The following BBS9 variants were observed in gnomAD, a reference collection of about 807,000 sequenced individuals.
The protein encoded by BBS9 is Bardet-Biedl syndrome 9.
In BBS9, 89 loss-of-function variants were observed where a neutral mutation model predicts 117.7. The observed-to-expected ratio is 0.76, with a 90% CI of 0.64 to 0.90. BBS9 has a LOEUF of 0.90. Among genes scored for constraint, BBS9 ranks in the 40% least tolerant of loss-of-function variants. The pLI is 0.00. For synonymous variants in BBS9, 379 were observed against 370.9 expected, an observed-to-expected ratio of 1.02 and a Z score of -0.25; for missense variants, 982 against 1,042.2, an observed-to-expected ratio of 0.94 and a Z score of 0.80.
intron 5 of BBS9, among the ~76,000 whole-genome samples, chr7:33,215,442 G>A (rs1788869791): frequency 6.6e-6 from 1 of 152,152 alleles, no homozygotes; most frequent in South Asian, 2.1e-4. Context: ...GTAACAATAT[G>A]CAGAAGAATG....
At chr7:33,486,750 T>A (rs766364727) in intron 19 of BBS9, among the ~76,000 whole-genome samples, 26 of 152,160 alleles carry the variant, frequency 1.7e-4, no homozygotes, top group Non-Finnish European at 3.8e-4. Context: ...TCCAGTAACT[T>A]CTCTCTGTAG....
At chr7:33,183,814 G>GTT (rs150750177) in intron 5 of BBS9, among the ~76,000 whole-genome samples, 1 of 151,386 alleles carries the variant, frequency 6.6e-6, no homozygotes, top group African/African-American at 2.4e-5. Flanking sequence ...ACCTCATTCA[G>GTT]TTTTTTTTTG....
In BBS9 at chr7:33,156,466, C is replaced by G. The variant is rs77890146; in HGVS notation, c.328+764C>G. Reference sequence around the variant, plus strand: ...CTTTGGAGCTTGCTGTAAATGTTACCTTCTAGGATTTGGATTTCTCAGACT... The same window carrying G: ...CTTTGGAGCTTGCTGTAAATGTTACGTTCTAGGATTTGGATTTCTCAGACT... On this transcript the variant is annotated intron_variant, in intron 4 of 22. Coordinates refer to ENST00000242067, the MANE Select transcript of BBS9 (RefSeq NM_198428.3). 1.2e-3 allele frequency among the ~76,000 whole-genome samples: 184 copies of G among 152,112 alleles called. 1 individual carries two copies. The East Asian group carries it at 0.033, about 27-fold the overall frequency.
intron 9 of BBS9, among the ~76,000 whole-genome samples, chr7:33,283,044 C>G (rs965049952): frequency 6.6e-6 from 1 of 152,076 alleles, no homozygotes; most frequent in African/African-American, 2.4e-5. Context: ...TGCTTTCATC[C>G]TGTTGATATA....
rs151076221 is a variant in BBS9, at chr7:33,226,000, C to T, written c.443-31236C>T. ...GCTGGAAGATGTTTTTAGATAAGCA[C>T]CTTCAGTGGTTTTGTCTTCCAACAT... On this transcript the variant is annotated intron_variant, in intron 5 of 22. Coordinates refer to ENST00000242067, the MANE Select transcript of BBS9 (RefSeq NM_198428.3). Among the ~76,000 whole-genome samples, 1,189 of 152,222 alleles carry T rather than the reference C, an allele frequency of 7.8e-3. 19 individuals are homozygous for T. The highest frequency in any genetic ancestry group is 0.027 in the African/African-American group (1,135 of 41,526).
chr7:33,166,283 A>C (rs182842079), intron 4 of BBS9, among the ~76,000 whole-genome samples: 301 of 152,308 alleles, frequency 2.0e-3, no homozygotes, highest in Non-Finnish European at 3.7e-3. Flanking sequence ...CCCTACTGGG[A>C]GGTATCTCCC....
intron 21 of BBS9, among the ~76,000 whole-genome samples, chr7:33,613,086 G>A (rs1864959497): frequency 6.6e-6 from 1 of 152,046 alleles, no homozygotes; most frequent in Admixed American, 6.6e-5. Context: ...GGGGAACAGA[G>A]AAGAAAATGG....
intron 4 of BBS9, among the ~76,000 whole-genome samples, chr7:33,175,620 A>G (rs942998194): frequency 5.9e-5 from 9 of 152,050 alleles, no homozygotes; most frequent in African/African-American, 2.2e-4. Context: ...ACAGCTTAGC[A>G]TTTACCTTAC....
intron 21 of BBS9, among the ~76,000 whole-genome samples, chr7:33,603,537 TTTC>T (rs1864121728): frequency 6.6e-6 from 1 of 152,102 alleles, no homozygotes. Context: ...ATAATACCTA[TTTC>T]ATGGTGTAGT....
rs566847290 is a variant in BBS9, at chr7:33,304,152, G to A, written c.1016+30196G>A. ...TGGGAAGTGAGGAGCACCTCTGCCC[G>A]GCCGCCACCCCGTCTAGGAAGTGAG... On this transcript the variant is annotated intron_variant, in intron 9 of 22. Coordinates refer to ENST00000242067, the MANE Select transcript of BBS9 (RefSeq NM_198428.3). Among the ~76,000 whole-genome samples, 721 of 148,606 alleles carry A rather than the reference G, an allele frequency of 4.9e-3. 8 individuals are homozygous for A. The highest frequency in any genetic ancestry group is 0.017 in the African/African-American group (674 of 40,028).
At chr7:33,182,022 G>A (rs1056071811) in intron 5 of BBS9, among the ~76,000 whole-genome samples, 11 of 152,202 alleles carry the variant, frequency 7.2e-5, no homozygotes, top group African/African-American at 2.7e-4. Context: ...AGGAGGCGGA[G>A]CTTGCAGTGA....
At chr7:33,367,930 T>C in intron 17 of BBS9, 68 bp downstream of exon 17, 1 of 1,220,932 alleles carries the variant, frequency 8.2e-7, no homozygotes, top group Non-Finnish European at 1.2e-6. Flanking sequence ...CAGAGGATAC[T>C]CACATCAATA....
chr7:33,495,476 G>A (rs1406661746), intron 19 of BBS9, among the ~76,000 whole-genome samples: 3 of 152,196 alleles, frequency 2.0e-5, no homozygotes. Flanking sequence ...TGTAGATGTT[G>A]TTTTTGGAGA....
chr7:33,387,894 T>TC (rs1357208238), intron 18 of BBS9, 98 bp from the exon 19 acceptor site: 1 of 1,375,010 alleles, frequency 7.3e-7, no homozygotes, highest in African/African-American at 1.4e-5. Context: ...TTAAATTTCT[T>TC]CATTACTCTT....
chr7:33,303,663 C>T (rs1807065365), intron 9 of BBS9, among the ~76,000 whole-genome samples: 1 of 151,954 alleles, frequency 6.6e-6, no homozygotes, highest in South Asian at 2.1e-4. Flanking sequence ...CATGTGCCGC[C>T]ACGCCTGACT....
intron 5 of BBS9, among the ~76,000 whole-genome samples, chr7:33,190,996 G>A (rs1319911547): frequency 6.6e-6 from 1 of 152,178 alleles, no homozygotes; most frequent in Non-Finnish European, 1.5e-5. Flanking sequence ...TGGTGCTTTG[G>A]CAGGATTGCA....
intron 17 of BBS9, 73 bp downstream of exon 17, chr7:33,367,935 T>A: frequency 1.6e-5 from 19 of 1,173,770 alleles, no homozygotes; most frequent in Middle Eastern, 2.4e-4. Context: ...GATACTCACA[T>A]CAATAATTCC....
At chr7:33,375,063 C>T (rs1464553815) in intron 17 of BBS9, among the ~76,000 whole-genome samples, 1 of 152,110 alleles carries the variant, frequency 6.6e-6, no homozygotes, top group Non-Finnish European at 1.5e-5. Context: ...AAGCATTATA[C>T]TGATGAACTT....
intron 19 of BBS9, among the ~76,000 whole-genome samples, chr7:33,466,828 C>A (rs890403218): frequency 6.6e-6 from 1 of 152,042 alleles, no homozygotes; most frequent in Admixed American, 6.6e-5. Flanking sequence ...ATGTATTTGA[C>A]CAAGGGACTT....
Sources: allele counts gnomAD v4.1 joint callset (sites outside exome capture counted in the v4.1 genomes callset), GRCh38; gene constraint gnomAD v4.1.1; transcripts MANE v1.5; gene names NCBI Gene and HGNC (gene_info 2026-07-23, HGNC 2026-07-21).